The following ZSWIM5 variants were observed in gnomAD, a reference collection of about 807,000 sequenced individuals.
ZSWIM5 encodes zinc finger SWIM domain-containing protein 5.
In ZSWIM5, 55 loss-of-function variants were observed where a neutral mutation model predicts 119.6. The observed-to-expected ratio is 0.46, with a 90% CI of 0.37 to 0.58. The LOEUF is 0.58. Among genes scored for constraint, ZSWIM5 ranks in the 20% least tolerant of loss-of-function variants. The probability of loss-of-function intolerance (pLI) is 0.00; values close to 1 mark genes in which losing one functional copy is unlikely to be tolerated. For missense variants in ZSWIM5, 1,193 were observed against 1,512.8 expected, an observed-to-expected ratio of 0.79 and a Z score of 3.51; for synonymous variants, 537 against 606.9, an observed-to-expected ratio of 0.88 and a Z score of 1.69.
In ZSWIM5 at chr1:45,048,512, G is replaced by A. The variant is rs114420425; in HGVS notation, c.1432+2562C>T. ...CCAAGGACTCTAACGTGGATGAGGA[G>A]GAAAATGAGGCTATCAGAGTGAAAA... On this transcript the variant is annotated intron_variant, in intron 5 of 13. Coordinates refer to ENST00000359600, the MANE Select transcript of ZSWIM5 (RefSeq NM_020883.2). 2.1e-3 allele frequency among the ~76,000 whole-genome samples: 318 copies of A among 152,222 alleles called. 1 individual carries two copies. The highest frequency in any genetic ancestry group is 7.5e-3 in the African/African-American group (311 of 41,554).
intron 1 of ZSWIM5, among the ~76,000 whole-genome samples, chr1:45,162,865 C>G (rs1408620683): frequency 2.0e-5 from 3 of 152,330 alleles, no homozygotes; most frequent in Admixed American, 2.0e-4. Context: ...AGGAGGCCTG[C>G]CTGCCTCTGT....
chr1:45,045,551 A>G (rs1027321221), intron 5 of ZSWIM5, among the ~76,000 whole-genome samples: 1 of 152,154 alleles, frequency 6.6e-6, no homozygotes, highest in African/African-American at 2.4e-5. Flanking sequence ...CACTGACAGT[A>G]TTTACTGAAA....
intron 5 of ZSWIM5, among the ~76,000 whole-genome samples, chr1:45,050,149 GT>G (rs1412918380): frequency 5.9e-5 from 9 of 152,150 alleles, no homozygotes; most frequent in African/African-American, 2.2e-4. Flanking sequence ...GGGGTCAGGA[GT>G]TCAAGACCAG....
chr1:45,145,685 G>A (rs748890111), intron 1 of ZSWIM5, among the ~76,000 whole-genome samples: 3 of 152,048 alleles, frequency 2.0e-5, no homozygotes, highest in Non-Finnish European at 2.9e-5. Flanking sequence ...ATGGGAGGGA[G>A]TTTTTTGGGG....
intron 2 of ZSWIM5, among the ~76,000 whole-genome samples, chr1:45,065,912 G>A (rs1645180265): frequency 6.6e-6 from 1 of 151,640 alleles, no homozygotes; most frequent in South Asian, 2.1e-4. Flanking sequence ...TGCACAATGT[G>A]CAGGTTTGTT....
chr1:45,199,065 A>T (rs1348678874), intron 1 of ZSWIM5, among the ~76,000 whole-genome samples: 1 of 152,126 alleles, frequency 6.6e-6, no homozygotes. Context: ...CATGCCATAC[A>T]TTACATACCA....
At chr1:45,020,601 G>C in intron 12 of ZSWIM5, 24 bp downstream of exon 12, 3 of 1,610,446 alleles carry the variant, frequency 1.9e-6, no homozygotes, top group Non-Finnish European at 2.5e-6. Flanking sequence ...TCTAAACTGT[G>C]GATGGCCTAC....
At chr1:45,164,005 A>G (rs550574261) in intron 1 of ZSWIM5, among the ~76,000 whole-genome samples, 60 of 152,204 alleles carry the variant, frequency 3.9e-4, no homozygotes, top group Admixed American at 1.7e-3. Context: ...AGCAACTCCA[A>G]GACACATAAT....
rs1645232324 is a variant in ZSWIM5, at chr1:45,072,870, T to C, written c.953-12623A>G. ...TCAAGTAATAACTCCAGTTTTGTTC[T>C]TTTTGCTTAGGATAGCTTTGGTTAT... On this transcript the variant is annotated intron_variant, in intron 2 of 13. Coordinates refer to ENST00000359600, the MANE Select transcript of ZSWIM5 (RefSeq NM_020883.2). The surrounding 1 kb of genome is among the most constrained non-coding windows in gnomAD (Gnocchi z 4.1). Among the ~76,000 whole-genome samples, 1 of 152,046 alleles carries C rather than the reference T, an allele frequency of 6.6e-6. No individual in the cohort carries two copies. The highest frequency in any genetic ancestry group is 2.4e-5 in the African/African-American group (1 of 41,282).
At chr1:45,193,075 G>A (rs1163493915) in intron 1 of ZSWIM5, among the ~76,000 whole-genome samples, 1 of 152,018 alleles carries the variant, frequency 6.6e-6, no homozygotes, top group Non-Finnish European at 1.5e-5. Flanking sequence ...GGTTTTGAGT[G>A]GCTATTAAGA....
intron 1 of ZSWIM5, among the ~76,000 whole-genome samples, chr1:45,203,591 G>C (rs796169829): frequency 3.9e-5 from 6 of 151,940 alleles, no homozygotes; most frequent in African/African-American, 1.4e-4. Context: ...TGAAAAACAC[G>C]ATTACTATCT....
rs546470563 is a variant in ZSWIM5 at position 45,116,917 on chromosome 1, A to C, written c.596-28680T>G. 2.0e-5 allele frequency among the ~76,000 whole-genome samples: 3 copies of C among 152,350 alleles called. No individual in the cohort carries two copies. The East Asian group carries it at 5.8e-4, about 29-fold the overall frequency. ...GAGGAAGAACACAGATAAAAAACACAAAAGAACTTTAAGTAACTATATTTA... is the reference window on the plus strand; with the variant it reads ...GAGGAAGAACACAGATAAAAAACACCAAAGAACTTTAAGTAACTATATTTA... On this transcript the variant is annotated intron_variant, in intron 1 of 13. Coordinates refer to ENST00000359600, the MANE Select transcript of ZSWIM5 (RefSeq NM_020883.2).
intron 1 of ZSWIM5, among the ~76,000 whole-genome samples, chr1:45,177,792 G>A (rs1028558660): frequency 6.6e-6 from 1 of 152,010 alleles, no homozygotes; most frequent in Non-Finnish European, 1.5e-5. Flanking sequence ...CCAGTCTAAT[G>A]CAAGCAGAAA....
At position 45,043,238 on chromosome 1, in the gene ZSWIM5, T is replaced by G; in HGVS notation, c.1590A>C (p.Gln530His). 1.2e-6 allele frequency: 2 copies of G among 1,613,828 alleles called. No individual in the cohort carries two copies. Among genetic ancestry groups the G allele is most frequent in the Non-Finnish European group, 1.7e-6 (2 of 1,179,942 alleles). The change falls in exon 6 of 14, where the codon CAA (glutamine) becomes CAC (histidine). Residue 530 changes from glutamine to histidine, a missense_variant. Transcript: ENST00000359600. Reference protein sequence around the residue: ...RESERLLFNSQGQPLWLEHVP... With the variant: ...RESERLLFNSHGQPLWLEHVP... Reference sequence around the variant, plus strand: ...ACTTACCAAGCCACAGTGGCTGGCCTTGGGAATTAAAGAGTAGTCTTTCAC... The same window carrying G: ...ACTTACCAAGCCACAGTGGCTGGCCGTGGGAATTAAAGAGTAGTCTTTCAC...
At chr1:45,102,409 C>G (rs1645445679) in intron 1 of ZSWIM5, among the ~76,000 whole-genome samples, 1 of 152,196 alleles carries the variant, frequency 6.6e-6, no homozygotes, top group Admixed American at 6.5e-5. Context: ...GGGAAGTCTT[C>G]CCTCATCTTT....
chr1:45,121,039 G>A (rs1433258651), intron 1 of ZSWIM5, among the ~76,000 whole-genome samples: 2 of 151,392 alleles, frequency 1.3e-5, no homozygotes, highest in East Asian at 3.9e-4. Context: ...AAGCTCCACC[G>A]CCCGGGTTCA....
intron 11 of ZSWIM5, among the ~76,000 whole-genome samples, chr1:45,026,812 T>C (rs775568764): frequency 4.6e-5 from 7 of 152,190 alleles, no homozygotes; most frequent in Non-Finnish European, 1.0e-4. Context: ...CCTTAAATAT[T>C]TGGTAGAACT....
chr1:45,154,108 C>G (rs903810102), intron 1 of ZSWIM5, among the ~76,000 whole-genome samples: 1 of 152,068 alleles, frequency 6.6e-6, no homozygotes, highest in Non-Finnish European at 1.5e-5. Context: ...ATGACACAAA[C>G]AAATGGAAAC....
intron 4 of ZSWIM5, among the ~76,000 whole-genome samples, chr1:45,052,366 C>T (rs1645094315): frequency 6.6e-6 from 1 of 152,064 alleles, no homozygotes; most frequent in Admixed American, 6.6e-5. Flanking sequence ...GATGTAGTTA[C>T]ATCCATGGAT....
Sources: gnomAD v4.1 joint callset for allele counts (sites outside exome capture counted in the v4.1 genomes callset) on GRCh38, gnomAD v4.1.1 for gene constraint, Gnocchi (gnomAD v3.1) non-coding constraint, MANE v1.5 for transcripts, NCBI Gene and HGNC (gene_info 2026-07-23, HGNC 2026-07-21) for gene names.